Variants in GRIK1 observed in about 807,000 individuals in gnomAD.
GRIK1 encodes the protein glutamate receptor ionotropic, kainate 1.
Under a neutral mutation model 105.7 loss-of-function variants are expected in GRIK1, and 69 were observed. That is an observed-to-expected ratio of 0.65 (90% CI 0.54 to 0.80). The LOEUF is 0.80. Among genes scored for constraint, GRIK1 ranks in the 30% least tolerant of loss-of-function variants. The probability of loss-of-function intolerance (pLI) is 0.00; values close to 1 mark genes in which losing one functional copy is unlikely to be tolerated. For missense variants in GRIK1, 1,109 were observed against 1,167.3 expected (o/e 0.95, Z 0.73); for synonymous variants, 438 against 431.3 (o/e 1.02, Z -0.19).
intron 1 of GRIK1, among the ~76,000 whole-genome samples, chr21:29,892,711 C>T (rs2069947956): frequency 6.6e-6 from 1 of 152,152 alleles, no homozygotes; most frequent in Admixed American, 6.5e-5. Context: ...GTCTCTATGC[C>T]CTTAGAGAAA....
chr21:29,770,307 A>G (rs922769667), intron 1 of GRIK1, among the ~76,000 whole-genome samples: 1 of 152,138 alleles, frequency 6.6e-6, no homozygotes, highest in Non-Finnish European at 1.5e-5. Context: ...AAATGCCCCA[A>G]TCTGCTTCTC....
rs565263007 is a variant in GRIK1 at position 29,812,130 on chromosome 21, T to C, written c.119-118067A>G. The stretch of plus-strand genomic sequence containing the variant: ...AATATATATGTACGTGTGTATAATT[T>C]CAATTAATCTTTTTCAAATTTTCCC... On this transcript the variant is annotated intron_variant, in intron 1 of 17. Transcript: ENST00000327783. Among the ~76,000 whole-genome samples the C allele has an allele frequency of 3.3e-5, 5 of 152,266 alleles. No homozygotes were observed. In the South Asian group the frequency reaches 1.0e-3, roughly 32 times the overall value.
intron 1 of GRIK1, among the ~76,000 whole-genome samples, chr21:29,794,202 T>G (rs1330129559): frequency 6.6e-6 from 1 of 152,118 alleles, no homozygotes; most frequent in Non-Finnish European, 1.5e-5. Context: ...TTCATAATGA[T>G]CAAATGAAAT....
At chr21:29,828,816 C>A (rs1243429691) in intron 1 of GRIK1, among the ~76,000 whole-genome samples, 1 of 152,102 alleles carries the variant, frequency 6.6e-6, no homozygotes, top group African/African-American at 2.4e-5. Flanking sequence ...TTCTTTAGTT[C>A]TTATACCACC....
chr21:29,823,072 C>T (rs1422629442), intron 1 of GRIK1, among the ~76,000 whole-genome samples: 2 of 151,758 alleles, frequency 1.3e-5, no homozygotes, highest in Non-Finnish European at 2.9e-5. Context: ...AGTTTCCTTG[C>T]CAATAAGATA....
chr21:29,866,765 T>C lies in GRIK1; in HGVS notation c.118+72618A>G, dbSNP rs112947791. On this transcript the variant is annotated intron_variant, in intron 1 of 17. Transcript: ENST00000327783. ...ACAAAATTCAAATGATGTTTTGAAG[T>C]GTTATTCTTGCAAAAGAAAACAAAT... Among the ~76,000 whole-genome samples the C allele has an allele frequency of 7.8e-3, 1,190 of 152,368 alleles. 14 individuals carry two copies. The highest frequency in any genetic ancestry group is 0.026 in the African/African-American group (1,086 of 41,586).
chr21:29,735,614 C>A (rs989023541), intron 1 of GRIK1, among the ~76,000 whole-genome samples: 1 of 151,872 alleles, frequency 6.6e-6, no homozygotes, highest in Non-Finnish European at 1.5e-5. Flanking sequence ...TTGAAAACAT[C>A]GGCTGGGCAC....
chr21:29,682,642 TA>T (rs1371754993), intron 3 of GRIK1, among the ~76,000 whole-genome samples: 3 of 152,184 alleles, frequency 2.0e-5, no homozygotes, highest in African/African-American at 7.2e-5. Context: ...CAAGATGAAT[TA>T]AAGATTTAAG....
intron 1 of GRIK1, among the ~76,000 whole-genome samples, chr21:29,847,371 G>A (rs2146029914): frequency 6.6e-6 from 1 of 152,316 alleles, no homozygotes; most frequent in East Asian, 1.9e-4. Flanking sequence ...CCAGGCGGGT[G>A]GATCACTAAG....
In GRIK1 at chr21:29,893,978, G is replaced by A. The variant is rs2070008681; in HGVS notation, c.118+45405C>T. 2.0e-5 allele frequency among the ~76,000 whole-genome samples: 3 copies of A among 152,106 alleles called. No homozygotes were observed. In the South Asian group the frequency reaches 6.2e-4, roughly 32 times the overall value. On this transcript the variant is annotated intron_variant, in intron 1 of 17. Coordinates refer to ENST00000327783, the MANE Select transcript of GRIK1 (RefSeq NM_001330994.2). ...AGCCTGCAGAACAGAGAATAAATCA[G>A]CAAAACAGAGGGCAGGTGCTAGGTT...
chr21:29,619,041 G>T (rs1241648892), intron 7 of GRIK1, among the ~76,000 whole-genome samples: 1 of 150,112 alleles, frequency 6.7e-6, no homozygotes, highest in African/African-American at 2.5e-5. Flanking sequence ...CAGGAGAAAA[G>T]CGTGAACCCA....
chr21:29,630,051 G>T (rs559286117), intron 7 of GRIK1, among the ~76,000 whole-genome samples: 5 of 152,252 alleles, frequency 3.3e-5, no homozygotes, highest in Non-Finnish European at 5.9e-5. Context: ...TACTGACACA[G>T]CATTAGACTT....
chr21:29,805,136 C>T (rs537804431), intron 1 of GRIK1, among the ~76,000 whole-genome samples: 1 of 152,114 alleles, frequency 6.6e-6, no homozygotes, highest in African/African-American at 2.4e-5. Context: ...TGGGCACAAA[C>T]CACCCCTCCA....
At chr21:29,783,393 GT>G (rs966129842) in intron 1 of GRIK1, among the ~76,000 whole-genome samples, 3 of 151,866 alleles carry the variant, frequency 2.0e-5, no homozygotes, top group East Asian at 1.9e-4. Flanking sequence ...TATTTTGCAG[GT>G]TTTTTTGTTT....
In GRIK1 at chr21:29,598,883, T is replaced by C; in HGVS notation, c.1153A>G (p.Arg385Gly). Residue 385 changes from arginine (R) to glycine (G), a missense_variant, in exon 8 of 18, where the codon AGG becomes GGG. Arg to Gly is a moderately radical substitution (Grantham distance 125, BLOSUM62 -2). Around this residue, in one of 5 missense-constraint regions of GRIK1, gnomAD observed 612 missense variants for 586.0 expected, o/e 1.04. Coordinates refer to ENST00000327783, the MANE Select transcript of GRIK1 (RefSeq NM_001330994.2). ...ATAATGTCCAGATCAAAATCCTTCC[T>C]CAAGCCATTGGTTTTATTAAAGGTG... Reference protein sequence around the residue: ...HITFNKTNGLRKDFDLDIISL... With the variant: ...HITFNKTNGLGKDFDLDIISL... The C allele has an allele frequency of 6.2e-7, 1 of 1,601,686 alleles. No individual in the cohort carries two copies. Among genetic ancestry groups the C allele is most frequent in the South Asian group, 1.1e-5 (1 of 89,862 alleles).
chr21:29,692,131 T>G (rs1169505028), intron 2 of GRIK1, among the ~76,000 whole-genome samples: 1 of 152,220 alleles, frequency 6.6e-6, no homozygotes, highest in East Asian at 1.9e-4. Context: ...TGACAGAAAA[T>G]CAATCCTTTT....
Position 29,939,458 on chromosome 21 carries a change from T to C in GRIK1, c.43A>G (p.Arg15Gly). 1.9e-6 allele frequency: 3 copies of C among 1,601,666 alleles called. No homozygotes were observed. The highest frequency in any genetic ancestry group is 1.7e-5 in the Admixed American group (1 of 58,970). The change falls in exon 1 of 18, where the codon AGG (arginine) becomes GGG (glycine). Residue 15 changes from arginine (R) to glycine (G), a missense_variant. By Grantham distance (125) the Arg-to-Gly change is moderately radical. This residue lies in a region of GRIK1 where 612 missense variants were observed against 586.0 expected (regional missense o/e 1.04). Coordinates refer to ENST00000327783, the MANE Select transcript of GRIK1 (RefSeq NM_001330994.2). ...TAGAGGAGTGCCCAGCTGGTGTCCC[T>C]GGTCCAGAGCCCGGGCTGGGCGAGG... Reference protein sequence around the residue: ...TLLAQPGLWTRDTSWALLYFL... With the variant: ...TLLAQPGLWTGDTSWALLYFL...
chr21:29,828,336 G>T (rs915810932), intron 1 of GRIK1, among the ~76,000 whole-genome samples: 1 of 151,968 alleles, frequency 6.6e-6, no homozygotes, highest in African/African-American at 2.4e-5. Context: ...CTTAGTAATT[G>T]ATTTGGGTGT....
chr21:29,929,572 T>C (rs1054680828), intron 1 of GRIK1, among the ~76,000 whole-genome samples: 1 of 152,214 alleles, frequency 6.6e-6, no homozygotes, highest in African/African-American at 2.4e-5. Flanking sequence ...TTCTTACGGA[T>C]CATATTTAAT....
Sources: allele counts gnomAD v4.1 joint callset (sites outside exome capture counted in the v4.1 genomes callset), GRCh38; gene constraint gnomAD v4.1.1; regional missense constraint gnomAD v4.1.1; transcripts MANE v1.5; gene names NCBI Gene and HGNC (gene_info 2026-07-23, HGNC 2026-07-21).